Variants in NLRP5 observed in about 807,000 individuals in gnomAD.
The protein encoded by NLRP5 is NACHT, LRR and PYD domains-containing protein 5.
In NLRP5, 93 loss-of-function variants were observed where a neutral mutation model predicts 113.1. The ratio of observed to expected loss-of-function variants is 0.82; its 90% CI spans 0.70 to 0.98. NLRP5 has a LOEUF of 0.98. Among genes scored for constraint, NLRP5 ranks in the 50% least tolerant of loss-of-function variants. The probability of loss-of-function intolerance (pLI) is 0.00; values close to 1 mark genes in which losing one functional copy is unlikely to be tolerated. For missense variants in NLRP5, 1,808 were observed against 1,514.3 expected, an observed-to-expected ratio of 1.19 and a Z score of -3.22; for synonymous variants, 751 against 600.7, an observed-to-expected ratio of 1.25 and a Z score of -3.66.
At chr19:56,038,237 AC>A in intron 10 of NLRP5, 42 bp downstream of exon 10, 1 of 1,590,748 alleles carries the variant, frequency 6.3e-7, no homozygotes, top group Non-Finnish European at 8.6e-7. Context: ...CGTAACTTCC[AC>A]CAGGATTATC....
upstream of NLRP5, among the ~76,000 whole-genome samples, chr19:55,998,005 A>G (rs1283787323): frequency 1.3e-5 from 2 of 152,228 alleles, no homozygotes; most frequent in African/African-American, 4.8e-5. Flanking sequence ...ATCTACTCTT[A>G]TAAATGGTTT....
chr19:56,011,627 AT>A (rs111647646), intron 3 of NLRP5, among the ~76,000 whole-genome samples: 33 of 149,380 alleles, frequency 2.2e-4, no homozygotes, highest in East Asian at 2.0e-3. Flanking sequence ...AGAAAGCCTG[AT>A]TTTTTTTTTC....
Position 56,053,684 on chromosome 19 carries a change from T to C in NLRP5, c.3175T>C (p.Cys1059Arg). 1.9e-6 allele frequency: 3 copies of C among 1,613,966 alleles called. No individual in the cohort carries two copies. The highest frequency in any genetic ancestry group is 1.7e-6 in the Non-Finnish European group (2 of 1,179,868). ...CGCCGCGTGCTGTGAGAGTCTGTCC[T>C]GTGTGATCTCGAGGAGCAGACACCT... Residue 1059 changes from cysteine (C) to arginine (R), a missense_variant, in exon 13 of 15, where the codon TGT becomes CGT. Physicochemically the swap from Cys to Arg is radical, Grantham distance 180. Coordinates refer to ENST00000390649, the MANE Select transcript of NLRP5 (RefSeq NM_153447.4).
At chr19:56,057,644 A>G (rs548033166) in intron 13 of NLRP5, among the ~76,000 whole-genome samples, 1 of 152,038 alleles carries the variant, frequency 6.6e-6, no homozygotes, top group South Asian at 2.1e-4. Flanking sequence ...CCTTTCTTTC[A>G]TTGTTTTCCA....
chr19:56,024,827 C>T (rs1982776411), intron 6 of NLRP5, among the ~76,000 whole-genome samples: 1 of 152,056 alleles, frequency 6.6e-6, no homozygotes, highest in African/African-American at 2.4e-5. Flanking sequence ...AGATGCTCTA[C>T]AGCAGGGGTC....
intron 2 of NLRP5, 55 bp from the exon 3 acceptor site, chr19:56,008,733 T>G: frequency 1.4e-6 from 2 of 1,467,874 alleles, no homozygotes; most frequent in Non-Finnish European, 1.9e-6. Flanking sequence ...ATCCTTGGCT[T>G]GGGTAATTAC....
At chr19:56,057,276 C>T (rs1478648365) in intron 13 of NLRP5, among the ~76,000 whole-genome samples, 1 of 152,098 alleles carries the variant, frequency 6.6e-6, no homozygotes, top group Non-Finnish European at 1.5e-5. Context: ...TTTTGACATC[C>T]ACCCCAAAAT....
intron 9 of NLRP5, among the ~76,000 whole-genome samples, chr19:56,036,028 C>A (rs1437823508): frequency 1.4e-5 from 2 of 147,862 alleles, no homozygotes; most frequent in Non-Finnish European, 3.0e-5. Flanking sequence ...CGACATGTTC[C>A]TGGGACATGC....
intron 1 of NLRP5, among the ~76,000 whole-genome samples, chr19:56,001,364 T>C (rs188468264): frequency 1.3e-5 from 2 of 150,458 alleles, no homozygotes; most frequent in African/African-American, 4.9e-5. Context: ...GCTTATTGAA[T>C]AGATTTTAGC....
At chr19:56,013,596 G>GTTTTTTTTTTTTTTTTTGTTTTT (rs1982288879) in intron 3 of NLRP5, among the ~76,000 whole-genome samples, 1 of 59,284 alleles carries the variant, frequency 1.7e-5, no homozygotes, top group Non-Finnish European at 2.9e-5. Context: ...GGACATTTGG[G>GTTTTTTTTTTTTTTTTTGTTTTT]TTTTTTTTTT....
chr19:56,047,162 C>CT (rs1568500630), intron 11 of NLRP5, among the ~76,000 whole-genome samples: 2 of 152,128 alleles, frequency 1.3e-5, no homozygotes, highest in African/African-American at 4.8e-5. Flanking sequence ...TGCCAATAGT[C>CT]TATCAATTTT....
chr19:56,007,263 C>T (rs1487755554), intron 2 of NLRP5, among the ~76,000 whole-genome samples: 1 of 150,988 alleles, frequency 6.6e-6, no homozygotes, highest in Non-Finnish European at 1.5e-5. Context: ...ACTAGGTAGG[C>T]TGAGGCAGGA....
rs982007794 is a variant in NLRP5 at position 56,049,051 on chromosome 19, G to A, written c.2958-1367G>A. ...GGCTGGAGTGCAGTGGTGCAATCTCGGCTCACTGCAACCTCCGCCTCCTGG... is the reference window on the plus strand; with the variant it reads ...GGCTGGAGTGCAGTGGTGCAATCTCAGCTCACTGCAACCTCCGCCTCCTGG... On this transcript the variant is annotated intron_variant, in intron 11 of 14. Coordinates refer to ENST00000390649, the MANE Select transcript of NLRP5 (RefSeq NM_153447.4). Among the ~76,000 whole-genome samples the A allele has an allele frequency of 9.4e-5, 13 of 138,806 alleles. No homozygotes were observed. The South Asian group carries it at 2.5e-3, about 27-fold the overall frequency. 91.1% of individuals were successfully genotyped at this position (138,806 alleles called of 152,430 possible). A position where few individuals can be genotyped will look rare whatever the true frequency, so the allele number is the denominator to read the frequency against.
At chr19:55,989,215 A>C in the NLRP5 span, among the ~76,000 whole-genome samples, 1 of 152,122 alleles carries the variant, frequency 6.6e-6, no homozygotes. Context: ...TCTTCTACTA[A>C]AATGATTTTT....
At position 56,007,024 on chromosome 19, in the gene NLRP5, C is replaced by G. The variant is rs376947454; in HGVS notation, c.443-1764C>G. 6.0e-5 allele frequency among the ~76,000 whole-genome samples: 9 copies of G among 151,166 alleles called. No individual in the cohort carries two copies. In the South Asian group the frequency reaches 1.9e-3, roughly 31 times the overall value. ...AAAGTTCTGGGATTACAGGTGTGAG[C>G]CACTGTGCCTGGCCTAAAATAAAAT... On this transcript the variant is annotated intron_variant, in intron 2 of 14. Transcript: ENST00000390649.
At chr19:56,039,285 G>T (rs1027679673) in intron 10 of NLRP5, among the ~76,000 whole-genome samples, 2 of 152,136 alleles carry the variant, frequency 1.3e-5, no homozygotes, top group African/African-American at 4.8e-5. Flanking sequence ...TCCACGTGTG[G>T]CCAGCCAAAT....
chr19:56,016,075 T>A (rs550336924), intron 4 of NLRP5, among the ~76,000 whole-genome samples: 27 of 152,350 alleles, frequency 1.8e-4, no homozygotes, highest in African/African-American at 6.0e-4. Flanking sequence ...TACACGCATA[T>A]ATTGTAGAAT....
At chr19:56,009,090 G>T (rs562055955) in intron 3 of NLRP5, among the ~76,000 whole-genome samples, 7 of 152,118 alleles carry the variant, frequency 4.6e-5, no homozygotes, top group Non-Finnish European at 5.9e-5. Context: ...TGTAATCCCA[G>T]TACTTTGGGA....
intron 9 of NLRP5, among the ~76,000 whole-genome samples, chr19:56,035,351 A>G (rs1275834913): frequency 6.6e-6 from 1 of 152,202 alleles, no homozygotes; most frequent in African/African-American, 2.4e-5. Flanking sequence ...GCACTTTAAG[A>G]AGATGTAACC....
Sources: gnomAD v4.1 joint callset for allele counts (sites outside exome capture counted in the v4.1 genomes callset) on GRCh38, gnomAD v4.1.1 for gene constraint, MANE v1.5 for transcripts, NCBI Gene and HGNC (gene_info 2026-07-23, HGNC 2026-07-21) for gene names.